TXLNB: variants seen among roughly 807,000 people sequenced by gnomAD.
The protein encoded by TXLNB is taxilin beta.
In TXLNB, 37 loss-of-function variants were observed where a neutral mutation model predicts 57.4. That is an observed-to-expected ratio of 0.64 (90% CI 0.50 to 0.85). TXLNB has a LOEUF of 0.85. TXLNB is among the 40% of genes least tolerant of loss of function. The pLI is 0.00. For synonymous variants in TXLNB, 302 were observed against 309.6 expected (o/e 0.98, Z 0.26); for missense variants, 848 against 825.6 (o/e 1.03, Z -0.33).
At chr6:139,173,175 G>A in the TXLNB span, among the ~76,000 whole-genome samples, 3 of 152,210 alleles carry the variant, frequency 2.0e-5, no homozygotes, top group African/African-American at 4.8e-5. Flanking sequence ...GTAGAGCAGA[G>A]GTGGGGAGTA....
chr6:139,290,007 C>T (rs181916257), intron 1 of TXLNB, among the ~76,000 whole-genome samples: 8 of 152,172 alleles, frequency 5.3e-5, no homozygotes, highest in African/African-American at 1.4e-4. Context: ...ATAAGCAACA[C>T]GAATGCTTTT....
the TXLNB span, chr6:139,166,289 C>T: frequency 6.3e-6 from 10 of 1,596,994 alleles, no homozygotes; most frequent in Non-Finnish European, 8.6e-6. Flanking sequence ...CCCAGAAGCC[C>T]CATGTGCCAC....
At chr6:139,239,374 T>G (rs1582983179), downstream of TXLNB, 1 of 152,234 alleles carries the variant, frequency 6.6e-6, no homozygotes, top group East Asian at 1.9e-4. This position sits in a 1 kb window ranked among gnomAD's most constrained non-coding sequence, Gnocchi z 4.7. Flanking sequence ...CTGAGAAACA[T>G]ATCAGCTGGG....
At chr6:139,287,422 G>A (rs1777202023) in intron 2 of TXLNB, 1 of 152,194 alleles carries the variant, frequency 6.6e-6, no homozygotes, top group Non-Finnish European at 1.5e-5. Context: ...ATATATTTGG[G>A]TTTACAGATA....
the TXLNB span, among the ~76,000 whole-genome samples, chr6:139,310,154 T>C: frequency 1.3e-4 from 20 of 152,222 alleles, no homozygotes; most frequent in South Asian, 4.1e-3. Flanking sequence ...AAAACCTCTG[T>C]CCAGCAAAGG....
chr6:139,220,098 G>T, the TXLNB span, among the ~76,000 whole-genome samples: 1 of 152,134 alleles, frequency 6.6e-6, no homozygotes, highest in Non-Finnish European at 1.5e-5. Flanking sequence ...TCATGGGGGT[G>T]GACCCCTCAT....
downstream of TXLNB, among the ~76,000 whole-genome samples, chr6:139,236,963 A>G (rs1410934470): frequency 6.6e-6 from 1 of 152,162 alleles, no homozygotes; most frequent in African/African-American, 2.4e-5. Context: ...CAGCAACCCT[A>G]CAAACCCTGT....
chr6:139,240,791 T>C lies in TXLNB; in HGVS notation c.*1735A>G, dbSNP rs956091637. ...TACTTCAAACAAACTGTATGCAGTTTACAATTCTTGTAGCATATGGTTGCT... is the reference window on the plus strand; with the variant it reads ...TACTTCAAACAAACTGTATGCAGTTCACAATTCTTGTAGCATATGGTTGCT... On this transcript the variant is annotated 3_prime_UTR_variant, in exon 10 of 10. Coordinates refer to ENST00000358430, the MANE Select transcript of TXLNB (RefSeq NM_153235.4). 6.6e-6 allele frequency: 1 copy of C among 152,466 alleles called. No homozygotes were observed. Among genetic ancestry groups the C allele is most frequent in the Non-Finnish European group, 1.5e-5 (1 of 68,044 alleles). The allele number at this position is 152,466 out of a possible 1,614,324, so 9.4% of individuals were successfully genotyped here. A position where few individuals can be genotyped will look rare whatever the true frequency, so the allele number is the denominator to read the frequency against.
the TXLNB span, among the ~76,000 whole-genome samples, chr6:139,211,254 C>T: frequency 6.6e-6 from 1 of 152,308 alleles, no homozygotes; most frequent in East Asian, 1.9e-4. Context: ...TGACACCTCA[C>T]ACGGCTGGGT....
the TXLNB span, among the ~76,000 whole-genome samples, chr6:139,196,760 A>T: frequency 1.3e-5 from 2 of 152,234 alleles, no homozygotes; most frequent in Admixed American, 1.3e-4. Context: ...AAGGTAAATT[A>T]AAACCTCAGC....
At chr6:139,167,989 A>C in the TXLNB span, among the ~76,000 whole-genome samples, 2 of 152,242 alleles carry the variant, frequency 1.3e-5, no homozygotes, top group African/African-American at 4.8e-5. Context: ...ACTTCCATAA[A>C]GATGAGACAC....
chr6:139,179,819 T>C, the TXLNB span: 1 of 152,194 alleles, frequency 6.6e-6, no homozygotes, highest in Non-Finnish European at 1.5e-5. Context: ...ACCCAAGAGA[T>C]CCAATTTGTT....
chr6:139,228,857 A>G, the TXLNB span, among the ~76,000 whole-genome samples: 4 of 152,078 alleles, frequency 2.6e-5, no homozygotes, highest in Admixed American at 2.6e-4. Flanking sequence ...CTCCTGCCCC[A>G]CTTTCAACCC....
the TXLNB span, among the ~76,000 whole-genome samples, chr6:139,207,802 G>A: frequency 2.6e-5 from 4 of 152,158 alleles, no homozygotes; most frequent in African/African-American, 4.8e-5. Flanking sequence ...AGGGCCAGGC[G>A]CGGTGGCTCA....
chr6:139,252,193 G>A (rs1027948096), intron 7 of TXLNB, among the ~76,000 whole-genome samples: 2 of 152,194 alleles, frequency 1.3e-5, no homozygotes, highest in Admixed American at 1.3e-4. Flanking sequence ...GACTTCTCTA[G>A]GAAAATAACA....
Position 139,240,700 on chromosome 6 carries a change from A to G in TXLNB, c.*1826T>C, listed in dbSNP as rs1775912512. ...GCCTTTAAAAATATACAGATTCTCA[A>G]ATAGCGACAAGCTTTTTTCCTGATT... On this transcript the variant is annotated 3_prime_UTR_variant, in exon 10 of 10. Coordinates refer to ENST00000358430, the MANE Select transcript of TXLNB (RefSeq NM_153235.4). The G allele has an allele frequency of 6.6e-6, 1 of 152,668 alleles. No homozygotes were observed. The highest frequency in any genetic ancestry group is 2.1e-4 in the South Asian group (1 of 4,836). The allele number at this position is 152,668 out of a possible 1,614,324, so 9.5% of individuals were successfully genotyped here.
intron 7 of TXLNB, among the ~76,000 whole-genome samples, chr6:139,252,928 C>T (rs1352847238): frequency 6.6e-6 from 1 of 152,162 alleles, no homozygotes; most frequent in African/African-American, 2.4e-5. Flanking sequence ...GGAGGTGGAG[C>T]TTGCAGTGAG....
At chr6:139,318,085 C>T in the TXLNB span, among the ~76,000 whole-genome samples, 1 of 151,636 alleles carries the variant, frequency 6.6e-6, no homozygotes, top group African/African-American at 2.4e-5. Context: ...CTGGCTAACA[C>T]AGTGAAACCC....
the TXLNB span, among the ~76,000 whole-genome samples, chr6:139,312,483 A>C: frequency 6.6e-6 from 1 of 152,202 alleles, no homozygotes; most frequent in Non-Finnish European, 1.5e-5. Context: ...CACCTCTCGT[A>C]GTGTTTGCAA....
Sources: gnomAD v4.1 joint callset for allele counts (sites outside exome capture counted in the v4.1 genomes callset) on GRCh38, gnomAD v4.1.1 for gene constraint, Gnocchi (gnomAD v3.1) non-coding constraint, MANE v1.5 for transcripts, NCBI Gene and HGNC (gene_info 2026-07-23, HGNC 2026-07-21) for gene names.